The following CACNB2 variants were observed in gnomAD, a reference collection of about 807,000 sequenced individuals.
CACNB2 encodes the protein voltage-dependent L-type calcium channel subunit beta-2.
Under a neutral mutation model 73.3 loss-of-function variants are expected in CACNB2, and 42 were observed. The observed-to-expected ratio is 0.57, with a 90% CI of 0.45 to 0.74. The LOEUF is 0.74. CACNB2 is among the 30% of genes least tolerant of loss of function. The pLI, the probability that CACNB2 is intolerant of heterozygous loss-of-function variation, is 0.00. For missense variants in CACNB2, 940 were observed against 853.0 expected, an observed-to-expected ratio of 1.10 and a Z score of -1.27; for synonymous variants, 348 against 310.3, an observed-to-expected ratio of 1.12 and a Z score of -1.28.
chr10:18,164,962 A>G (rs905462837), intron 2 of CACNB2, among the ~76,000 whole-genome samples: 2 of 152,098 alleles, frequency 1.3e-5, no homozygotes, highest in East Asian at 1.9e-4. Context: ...TTTCACCAAC[A>G]TATGGAGTGC....
At chr10:18,199,258 A>G (rs2034766114) in intron 2 of CACNB2, among the ~76,000 whole-genome samples, 1 of 152,214 alleles carries the variant, frequency 6.6e-6, no homozygotes, top group South Asian at 2.1e-4. Flanking sequence ...CAAAGAATAT[A>G]CCAAGTCCCT....
rs757232667 is a variant in CACNB2 at position 18,514,386 on chromosome 10, A to G, written c.804+17A>G. ...TTTAAGAAGGTAACATTAACTTCCA[A>G]GCTCCCATTGTCCACCTGCTCAACT... On this transcript the variant is annotated intron_variant, in intron 7 of 13. Coordinates refer to ENST00000324631, the MANE Select transcript of CACNB2 (RefSeq NM_201596.3). 4.3e-6 allele frequency: 7 copies of G among 1,613,964 alleles called. No homozygotes were observed. Among genetic ancestry groups the G allele is most frequent in the African/African-American group, 1.3e-5 (1 of 74,922 alleles).
At chr10:18,240,626 A>G (rs989563362) in intron 2 of CACNB2, among the ~76,000 whole-genome samples, 1 of 152,146 alleles carries the variant, frequency 6.6e-6, no homozygotes, top group African/African-American at 2.4e-5. Context: ...ATCCTGGCAC[A>G]TTTCTACTGT....
intron 3 of CACNB2, among the ~76,000 whole-genome samples, chr10:18,497,315 C>T (rs1168863269): frequency 1.3e-5 from 2 of 151,948 alleles, no homozygotes; most frequent in Admixed American, 6.6e-5. Context: ...AGAACAATAC[C>T]ATTTTCACCA....
At chr10:18,494,384 C>T (rs554865153) in intron 3 of CACNB2, among the ~76,000 whole-genome samples, 9 of 152,194 alleles carry the variant, frequency 5.9e-5, no homozygotes, top group South Asian at 2.1e-4. Context: ...AATCCCAGCA[C>T]TTTGGGAGGC....
chr10:18,199,148 A>C (rs1468625359), intron 2 of CACNB2, among the ~76,000 whole-genome samples: 1 of 152,166 alleles, frequency 6.6e-6, no homozygotes, highest in Non-Finnish European at 1.5e-5. Flanking sequence ...TGAAGGTACC[A>C]TCCAGCTCTT....
At chr10:18,259,374 T>C (rs1250522035) in intron 2 of CACNB2, among the ~76,000 whole-genome samples, 2 of 151,632 alleles carry the variant, frequency 1.3e-5, no homozygotes. Context: ...GAGACCAGCC[T>C]GGGCAACAAA....
chr10:18,195,387 T>C (rs1300636858), intron 2 of CACNB2, among the ~76,000 whole-genome samples: 1 of 152,134 alleles, frequency 6.6e-6, no homozygotes, highest in African/African-American at 2.4e-5. Flanking sequence ...ACCCCAGCTA[T>C]CAGAGAGGTT....
chr10:18,498,664 G>C, intron 4 of CACNB2, 187 bp downstream of exon 4: 1 of 626,936 alleles, frequency 1.6e-6, no homozygotes, highest in Non-Finnish European at 2.7e-6. Context: ...GTGGAAAGAA[G>C]TCACAGGCCT....
intron 2 of CACNB2, among the ~76,000 whole-genome samples, chr10:18,341,365 G>C (rs1235262456): frequency 6.6e-6 from 1 of 152,146 alleles, no homozygotes; most frequent in African/African-American, 2.4e-5. Context: ...AATCAGGATG[G>C]TCTGACTTGC....
intron 2 of CACNB2, among the ~76,000 whole-genome samples, chr10:18,378,005 G>A (rs923109468): frequency 1.3e-5 from 2 of 152,162 alleles, no homozygotes; most frequent in Non-Finnish European, 2.9e-5. Context: ...TTGTCTTCAT[G>A]TTAATTAGGA....
chr10:18,533,159 A>T (rs1214385890), intron 10 of CACNB2: 1 of 152,200 alleles, frequency 6.6e-6, no homozygotes, highest in Non-Finnish European at 1.5e-5. Context: ...AGTCTCATGG[A>T]ATTCAACCTC....
At chr10:18,423,925 A>G (rs1031217333) in intron 3 of CACNB2, among the ~76,000 whole-genome samples, 3 of 152,186 alleles carry the variant, frequency 2.0e-5, no homozygotes, top group African/African-American at 7.2e-5. Context: ...GGTGTTGACT[A>G]CAAATATATC....
At chr10:18,163,718 A>G (rs1288665530) in intron 2 of CACNB2, among the ~76,000 whole-genome samples, 2 of 152,178 alleles carry the variant, frequency 1.3e-5, no homozygotes, top group African/African-American at 4.8e-5. Flanking sequence ...ACCGGTTTGG[A>G]ACTTTTCAAA....
chr10:18,539,114 C>G (rs2053892691), intron 13 of CACNB2, 116 bp from the exon 14 acceptor site: 1 of 1,340,870 alleles, frequency 7.5e-7, no homozygotes, highest in Non-Finnish European at 1.1e-6. Flanking sequence ...CTAGGTTAGA[C>G]TTCATTTCAG....
intron 2 of CACNB2, among the ~76,000 whole-genome samples, chr10:18,347,554 A>G (rs1411738732): frequency 8.5e-6 from 1 of 117,054 alleles, no homozygotes; most frequent in Non-Finnish European, 1.9e-5. Flanking sequence ...TAACATCTCT[A>G]GGCTTTTTTT....
chr10:18,188,454 A>G (rs185146064), intron 2 of CACNB2, among the ~76,000 whole-genome samples: 281 of 152,138 alleles, frequency 1.8e-3, no homozygotes, highest in Non-Finnish European at 3.2e-3. Context: ...CTAGAGGTAC[A>G]CACAAATGCC....
chr10:18,511,956 G>GT (rs1189362408), intron 6 of CACNB2, among the ~76,000 whole-genome samples: 1 of 152,096 alleles, frequency 6.6e-6, no homozygotes, highest in East Asian at 1.9e-4. Flanking sequence ...TAAATTTTGA[G>GT]TTTTTTAATC....
At chr10:18,206,802 G>A (rs961738467) in intron 2 of CACNB2, 2 of 152,238 alleles carry the variant, frequency 1.3e-5, no homozygotes, top group Non-Finnish European at 2.9e-5. Context: ...TCGCTGGAAG[G>A]TGAAGTAAGA....
Sources: gnomAD v4.1 joint callset for allele counts (sites outside exome capture counted in the v4.1 genomes callset) on GRCh38, gnomAD v4.1.1 for gene constraint, MANE v1.5 for transcripts, NCBI Gene and HGNC (gene_info 2026-07-23, HGNC 2026-07-21) for gene names.